Variants in POMGNT1 observed in about 807,000 individuals in gnomAD.
POMGNT1 encodes the protein protein O-linked-mannose beta-1,2-N-acetylglucosaminyltransferase 1.
In POMGNT1, 67 loss-of-function variants were observed where a neutral mutation model predicts 95.6. The ratio of observed to expected loss-of-function variants is 0.70; its 90% confidence interval spans 0.58 to 0.86. POMGNT1 has a LOEUF of 0.86. Ranked by LOEUF, POMGNT1 falls within the 40% of genes least tolerant of loss-of-function variation. POMGNT1 has a pLI of 0.00. For synonymous variants in POMGNT1, 298 were observed against 317.9 expected, an observed-to-expected ratio of 0.94 and a Z score of 0.66; for missense variants, 719 against 855.2, an observed-to-expected ratio of 0.84 and a Z score of 1.99.
intron 1 of POMGNT1, among the ~76,000 whole-genome samples, chr1:46,218,959 C>T (rs1439549355): frequency 6.6e-6 from 1 of 152,084 alleles, no homozygotes; most frequent in African/African-American, 2.4e-5. Context: ...TCTTGCTATT[C>T]TTTGTTTCTA....
chr1:46,202,917 G>GT (rs1553164806), upstream of POMGNT1, among the ~76,000 whole-genome samples: 6 of 101,960 alleles, frequency 5.9e-5, no homozygotes, highest in South Asian at 3.8e-4. Flanking sequence ...GGGGGGGGGG[G>GT]GTGGTGTGTG....
chr1:46,190,642 C>A, intron 18 of POMGNT1, 78 bp downstream of exon 18: 1 of 1,540,826 alleles, frequency 6.5e-7, no homozygotes, highest in East Asian at 2.2e-5. Context: ...CACACAGGCC[C>A]AGCATTGGAA....
intron 1 of POMGNT1, among the ~76,000 whole-genome samples, chr1:46,211,886 T>C (rs1362035103): frequency 6.6e-6 from 1 of 152,060 alleles, no homozygotes; most frequent in East Asian, 1.9e-4. Context: ...CTCAGCCTCC[T>C]GAGTAGCTGG....
At chr1:46,204,830 G>T (rs1658662018) in intron 1 of POMGNT1, among the ~76,000 whole-genome samples, 1 of 152,230 alleles carries the variant, frequency 6.6e-6, no homozygotes, top group Non-Finnish European at 1.5e-5. Context: ...GGCCTAGTAA[G>T]AGCCTATCTA....
chr1:46,196,805 C>T lies in POMGNT1; in HGVS notation c.280G>A (p.Gly94Ser), dbSNP rs762660219. Residue 94 changes from glycine to serine, a missense_variant, in exon 4 of 22, where the codon GGT (glycine) becomes AGT (serine). Physicochemically the swap from Gly to Ser is moderately conservative, Grantham distance 56 (BLOSUM62 0). Around this residue, in one of 5 missense-constraint regions of POMGNT1, gnomAD observed 466 missense variants for 517.4 expected, o/e 0.90. Coordinates refer to ENST00000371984, the MANE Select transcript of POMGNT1 (RefSeq NM_017739.4). The surrounding 1 kb of genome is among the most constrained non-coding windows in gnomAD (Gnocchi z 4.4). ...TCTACGTCCAGGACCCGCCGGGGAC[C>T]ACTGCCTCTGCGCCGTGGGGGCTCC... ...RLEPPRRRGS[G>S]PRRVLDVEVY... The T allele has an allele frequency of 6.2e-7, 1 of 1,614,224 alleles. No individual in the cohort carries two copies. Among genetic ancestry groups the T allele is most frequent in the South Asian group, 1.1e-5 (1 of 91,090 alleles).
At chr1:46,193,973 T>G in intron 9 of POMGNT1, 48 bp from the exon 10 acceptor site, 1 of 1,608,910 alleles carries the variant, frequency 6.2e-7, no homozygotes, top group Middle Eastern at 1.7e-4. Context: ...CCCTTCAAAC[T>G]GGGATCCCCA....
At chr1:46,208,280 C>CA (rs1403944442) in intron 1 of POMGNT1, among the ~76,000 whole-genome samples, 1 of 152,170 alleles carries the variant, frequency 6.6e-6, no homozygotes, top group Non-Finnish European at 1.5e-5. Context: ...GGCTGAGCCA[C>CA]AATGCCAAGC....
chr1:46,191,987 T>C, intron 17 of POMGNT1, 111 bp downstream of exon 17: 14 of 1,454,244 alleles, frequency 9.6e-6, no homozygotes, highest in Middle Eastern at 1.8e-4. Context: ...GATAGCTCTT[T>C]CCCCAAGGTT....
chr1:46,201,290 T>C (rs979553839), upstream of POMGNT1, among the ~76,000 whole-genome samples: 1 of 151,812 alleles, frequency 6.6e-6, no homozygotes, highest in African/African-American at 2.4e-5. Flanking sequence ...GGTGGGAGGA[T>C]TGCTTGAGGC....
chr1:46,202,651 C>T (rs532221861), upstream of POMGNT1, among the ~76,000 whole-genome samples: 8 of 136,874 alleles, frequency 5.8e-5, no homozygotes, highest in Non-Finnish European at 1.1e-4. Flanking sequence ...GAGCCAAGAT[C>T]GCGCCACCAC....
At chr1:46,217,820 G>A (rs1659114188) in intron 1 of POMGNT1, among the ~76,000 whole-genome samples, 1 of 152,082 alleles carries the variant, frequency 6.6e-6, no homozygotes, top group South Asian at 2.1e-4. Flanking sequence ...TGGCGCCATT[G>A]CACTCCAGCC....
At chr1:46,203,926 G>T (rs1658630032) in intron 1 of POMGNT1, among the ~76,000 whole-genome samples, 1 of 152,048 alleles carries the variant, frequency 6.6e-6, no homozygotes, top group African/African-American at 2.4e-5. Context: ...GAAGTACTGA[G>T]AACCCAACGC....
At chr1:46,220,194 T>G in exon 1 of POMGNT1, 1 of 1,611,634 alleles carries the variant, frequency 6.2e-7, no homozygotes, top group Non-Finnish European at 8.5e-7. Flanking sequence ...CTGGGAGCAG[T>G]GCCAGGATGA....
At chr1:46,209,293 G>C (rs1459320210) in intron 1 of POMGNT1, among the ~76,000 whole-genome samples, 1 of 152,054 alleles carries the variant, frequency 6.6e-6, no homozygotes. Flanking sequence ...CAAAGTGCTG[G>C]GATTACAGAG....
chr1:46,193,430 C>T, intron 11 of POMGNT1, 42 bp from the exon 12 acceptor site: 2 of 1,603,730 alleles, frequency 1.2e-6, no homozygotes, highest in Non-Finnish European at 1.7e-6. Flanking sequence ...GGTCACTTTC[C>T]CTCTGCCCAC....
At chr1:46,205,580 C>G (rs567919066) in intron 1 of POMGNT1, among the ~76,000 whole-genome samples, 1 of 152,348 alleles carries the variant, frequency 6.6e-6, no homozygotes, top group Admixed American at 6.5e-5. Context: ...GTCTCTGGCT[C>G]TCTTCTCTGC....
Position 46,209,422 on chromosome 1 carries a change from G to A in POMGNT1, c.-51+10283C>T, listed in dbSNP as rs141289420. On this transcript the variant is annotated intron_variant, in intron 1 of 22. Coordinates refer to the POMGNT1 transcript ENST00000371992. ...CACAAGTGGGGCTGAAAACAAAAGG[G>A]CTGGTTGAATGTTTAAAAGTCATAT... 3.0e-3 allele frequency among the ~76,000 whole-genome samples: 455 copies of A among 152,254 alleles called. 5 individuals carry two copies. Among genetic ancestry groups the A allele is most frequent in the Non-Finnish European group, 5.1e-3 (350 of 68,016 alleles).
intron 1 of POMGNT1, among the ~76,000 whole-genome samples, chr1:46,218,326 T>C (rs1205895213): frequency 6.6e-6 from 1 of 152,138 alleles, no homozygotes; most frequent in Non-Finnish European, 1.5e-5. Context: ...ATGGAGGCTG[T>C]AGTGAGCCAT....
At position 46,197,789 on chromosome 1, in the gene POMGNT1, C is replaced by T; in HGVS notation, c.33G>A (p.Lys11=). 1 of 1,614,154 alleles carries T rather than the reference C, an allele frequency of 6.2e-7. No individual in the cohort carries two copies. Among genetic ancestry groups the T allele is most frequent in the East Asian group, 2.2e-5 (1 of 44,888 alleles). ...TCCGCTTCTTCCGAGCCCCAAAGGG[C>T]TTGATGAGGGGGCTGGGCTTCCAGT... MDDWKPSPLI[K]PFGARKKRSW... Residue 11 remains lysine, a synonymous_variant, in exon 2 of 22, where the codon AAG becomes AAA. Transcript: ENST00000371984.
Sources: allele counts gnomAD v4.1 joint callset (sites outside exome capture counted in the v4.1 genomes callset), GRCh38; gene constraint gnomAD v4.1.1; regional missense constraint gnomAD v4.1.1; non-coding constraint Gnocchi (gnomAD v3.1); transcripts MANE v1.5; gene names NCBI Gene and HGNC (gene_info 2026-07-23, HGNC 2026-07-21).